ACVR1: variants seen among roughly 807,000 people sequenced by gnomAD.
The protein encoded by ACVR1 is activin A receptor type 1.
A neutral mutation model predicts 57.1 loss-of-function variants in ACVR1; 38 were observed. That is an observed-to-expected ratio of 0.67 (90% confidence interval 0.51 to 0.87). The LOEUF is 0.87. Ranked by LOEUF, ACVR1 falls within the 40% of genes least tolerant of loss-of-function variation. The pLI is 0.00. For missense variants in ACVR1, 463 were observed against 638.2 expected (o/e 0.73, Z 2.96); for synonymous variants, 212 against 228.1 (o/e 0.93, Z 0.63).
chr2:157,851,940 A>T (rs1689327706), intron 1 of ACVR1, among the ~76,000 whole-genome samples: 1 of 113,576 alleles, frequency 8.8e-6, no homozygotes. Context: ...CAGTCCTGGC[A>T]TTTGGTAGGC....
intron 9 of ACVR1, among the ~76,000 whole-genome samples, chr2:157,740,358 T>A (rs1404534497): frequency 6.6e-6 from 1 of 152,142 alleles, no homozygotes; most frequent in African/African-American, 2.4e-5. Flanking sequence ...AGGCCCTTCT[T>A]CTCCTGTAAG....
intron 1 of ACVR1, among the ~76,000 whole-genome samples, chr2:157,853,591 C>T (rs1325265090): frequency 1.3e-5 from 2 of 152,194 alleles, no homozygotes; most frequent in Admixed American, 6.5e-5. Flanking sequence ...AGCTGCTGCT[C>T]ATAACCGTTC....
At chr2:157,861,583 C>T (rs1164768128) in intron 1 of ACVR1, among the ~76,000 whole-genome samples, 1 of 152,166 alleles carries the variant, frequency 6.6e-6, no homozygotes, top group South Asian at 2.1e-4. Context: ...TAACATTTAA[C>T]AGACTAAAAA....
intron 5 of ACVR1, among the ~76,000 whole-genome samples, chr2:157,777,496 TA>T (rs1348214590): frequency 4.6e-5 from 7 of 152,224 alleles, no homozygotes; most frequent in African/African-American, 1.7e-4. Context: ...GAATATCTGT[TA>T]AAATTAAATC....
At chr2:157,824,362 G>A (rs917624255) in intron 1 of ACVR1, among the ~76,000 whole-genome samples, 12 of 152,270 alleles carry the variant, frequency 7.9e-5, no homozygotes, top group African/African-American at 2.9e-4. Flanking sequence ...CAGCTACTCA[G>A]GAGGCTGAGA....
chr2:157,783,580 T>C (rs1263473558), intron 3 of ACVR1, among the ~76,000 whole-genome samples: 3 of 152,204 alleles, frequency 2.0e-5, no homozygotes, highest in African/African-American at 7.2e-5. Flanking sequence ...AAGTTGGTGA[T>C]TCTTTTCAGT....
intron 1 of ACVR1, among the ~76,000 whole-genome samples, chr2:157,833,801 T>A (rs1688673955): frequency 6.6e-6 from 1 of 152,210 alleles, no homozygotes; most frequent in Admixed American, 6.5e-5. Flanking sequence ...CTAGCTCCTG[T>A]TAGTTTTAAT....
chr2:157,753,799 G>GA (rs1685305997), intron 9 of ACVR1, among the ~76,000 whole-genome samples: 1 of 152,090 alleles, frequency 6.6e-6, no homozygotes, highest in South Asian at 2.1e-4. Flanking sequence ...AACAACCACA[G>GA]AATATACATT....
chr2:157,830,048 A>G (rs1234684680), intron 1 of ACVR1, among the ~76,000 whole-genome samples: 1 of 152,148 alleles, frequency 6.6e-6, no homozygotes, highest in African/African-American at 2.4e-5. Context: ...GTGAAATGCC[A>G]TCTGTACTAA....
At chr2:157,838,855 T>G (rs1415931586) in intron 1 of ACVR1, among the ~76,000 whole-genome samples, 1 of 152,178 alleles carries the variant, frequency 6.6e-6, no homozygotes, top group Non-Finnish European at 1.5e-5. Context: ...CTTTCAGCAT[T>G]GTTTCTAGGT....
At chr2:157,766,232 GA>G (rs754633852) in intron 7 of ACVR1, 36 bp from the exon 8 acceptor site, 25 of 1,604,186 alleles carry the variant, frequency 1.6e-5, no homozygotes, top group Non-Finnish European at 2.0e-5. Flanking sequence ...TATACATGAG[GA>G]TTCCACATTA....
chr2:157,839,236 G>T (rs1332491810), intron 1 of ACVR1, among the ~76,000 whole-genome samples: 1 of 152,196 alleles, frequency 6.6e-6, no homozygotes, highest in African/African-American at 2.4e-5. Context: ...GGAGTCTTGA[G>T]TAAGCACTGG....
intron 5 of ACVR1, among the ~76,000 whole-genome samples, chr2:157,775,545 G>A (rs1226156925): frequency 1.3e-5 from 2 of 152,192 alleles, no homozygotes; most frequent in Non-Finnish European, 2.9e-5. Context: ...CCACTGTGAA[G>A]TACTGTTGAT....
In ACVR1 at chr2:157,795,377, AACACACACACACACACACACAC is replaced by A. The variant is rs4029027; in HGVS notation, c.67+4028_67+4049del. 1.2e-4 allele frequency among the ~76,000 whole-genome samples: 16 copies of A among 134,196 alleles called. No individual in the cohort carries two copies. The South Asian group carries it at 1.6e-3, about 13-fold the overall frequency. 88.0% of individuals were successfully genotyped at this position (134,196 alleles called of 152,430 possible). ...TATAAAAACAAAATGCCTTCCATAG[AACACACACACACACACACACAC>A]ACACACACACACACACACACACACA... is the stretch of plus-strand genomic sequence containing the variant. On this transcript the variant is annotated intron_variant, in intron 3 of 10. Transcript: ENST00000434821.
Position 157,737,422 on chromosome 2 carries a change from G to T in ACVR1, c.*109C>A. 7.0e-7 allele frequency: 1 copy of T among 1,429,134 alleles called. No individual in the cohort carries two copies. Among genetic ancestry groups the T allele is most frequent in the Non-Finnish European group, 9.6e-7 (1 of 1,037,952 alleles). 88.5% of individuals were successfully genotyped at this position (1,429,134 alleles called of 1,614,324 possible). A position where few individuals can be genotyped will look rare whatever the true frequency, so the allele number is the denominator to read the frequency against. On this transcript the variant is annotated 3_prime_UTR_variant, in exon 11 of 11. Coordinates refer to ENST00000434821, the MANE Select transcript of ACVR1 (RefSeq NM_001111067.4). ...GTCTGCCTTGTCAAAGCAGCCATTT[G>T]GGGAGGGAGACAGATGGATTCCATT...
chr2:157,855,283 T>C (rs1199783943), intron 1 of ACVR1, among the ~76,000 whole-genome samples: 1 of 69,788 alleles, frequency 1.4e-5, no homozygotes, highest in Non-Finnish European at 2.9e-5. Flanking sequence ...TGTGTGTGTG[T>C]GTGTGTGTGT....
chr2:157,804,741 T>A (rs1244234062), intron 2 of ACVR1, among the ~76,000 whole-genome samples: 2 of 152,232 alleles, frequency 1.3e-5, no homozygotes, highest in East Asian at 1.9e-4. Flanking sequence ...ATACTGTTTC[T>A]TACAATGTCT....
At chr2:157,765,859 C>G in intron 8 of ACVR1, 62 bp downstream of exon 8, 1 of 1,559,918 alleles carries the variant, frequency 6.4e-7, no homozygotes, top group South Asian at 1.1e-5. Flanking sequence ...AGAGATGCAA[C>G]TCACCTAACC....
intron 9 of ACVR1, among the ~76,000 whole-genome samples, chr2:157,753,603 A>C (rs1375706319): frequency 6.6e-6 from 1 of 152,218 alleles, no homozygotes; most frequent in East Asian, 1.9e-4. Flanking sequence ...GAGCTAGTAA[A>C]TTTATAGAAC....
Sources: allele counts gnomAD v4.1 joint callset (sites outside exome capture counted in the v4.1 genomes callset), GRCh38; gene constraint gnomAD v4.1.1; transcripts MANE v1.5; gene names NCBI Gene and HGNC (gene_info 2026-07-23, HGNC 2026-07-21).